Variants in GRM7 observed in about 807,000 individuals in gnomAD.
The protein encoded by GRM7 is metabotropic glutamate receptor 7.
GRM7 carries 35 observed loss-of-function variants against 84.5 expected under a neutral mutation model. That is an observed-to-expected ratio of 0.41 (90% confidence interval 0.32 to 0.55). The LOEUF (loss-of-function observed/expected upper bound fraction) is 0.55, where lower values mean the gene tolerates loss of function less well. GRM7 is among the 20% of genes least tolerant of loss of function. GRM7 has a pLI of 0.19. For synonymous variants in GRM7, 487 were observed against 455.1 expected (o/e 1.07, Z -0.89); for missense variants, 1,003 against 1,194.6 (o/e 0.84, Z 2.36).
chr3:6,972,570 A>C (rs2125095741), intron 1 of GRM7, among the ~76,000 whole-genome samples: 1 of 152,268 alleles, frequency 6.6e-6, no homozygotes, highest in East Asian at 1.9e-4. Flanking sequence ...GCCGAGATTT[A>C]GATACTAATG....
chr3:7,317,350 A>G (rs1700620417), intron 4 of GRM7, among the ~76,000 whole-genome samples: 1 of 152,098 alleles, frequency 6.6e-6, no homozygotes, highest in African/African-American at 2.4e-5. Flanking sequence ...AGAATAGGCC[A>G]TTGTAAGTGA....
chr3:7,150,507 A>C (rs1301068026), intron 2 of GRM7, among the ~76,000 whole-genome samples: 1 of 152,178 alleles, frequency 6.6e-6, no homozygotes, highest in Non-Finnish European at 1.5e-5. Context: ...CTCAATACTT[A>C]TTCTTTCAAG....
At chr3:7,662,568 G>T (rs1008673248) in intron 8 of GRM7, among the ~76,000 whole-genome samples, 2 of 152,198 alleles carry the variant, frequency 1.3e-5, no homozygotes, top group Non-Finnish European at 2.9e-5. Flanking sequence ...TTAGATGATA[G>T]AAATTACTGT....
intron 1 of GRM7, among the ~76,000 whole-genome samples, chr3:7,031,393 T>A (rs932458109): frequency 3.6e-4 from 55 of 150,700 alleles, no homozygotes; most frequent in African/African-American, 9.9e-4. Context: ...ATACTTTTTT[T>A]AAATTTTTTA....
intron 4 of GRM7, among the ~76,000 whole-genome samples, chr3:7,391,070 T>C (rs576558594): frequency 3.3e-4 from 50 of 152,006 alleles, no homozygotes; most frequent in African/African-American, 1.2e-3. Context: ...GGAGGTATGA[T>C]TGTGGTGTAT....
chr3:7,025,711 C>T (rs1472255623), intron 1 of GRM7, among the ~76,000 whole-genome samples: 1 of 152,166 alleles, frequency 6.6e-6, no homozygotes, highest in African/African-American at 2.4e-5. Flanking sequence ...GCTTTACCTA[C>T]ATCTTACTCT....
chr3:7,492,783 A>T (rs994896588), intron 7 of GRM7, among the ~76,000 whole-genome samples: 12 of 152,008 alleles, frequency 7.9e-5, no homozygotes, highest in African/African-American at 2.7e-4. Flanking sequence ...TCAGAGTATT[A>T]TTTTGACAAC....
chr3:7,249,009 A>C (rs1697878812), intron 2 of GRM7, among the ~76,000 whole-genome samples: 1 of 152,202 alleles, frequency 6.6e-6, no homozygotes, highest in Non-Finnish European at 1.5e-5. Context: ...CATAGATATG[A>C]ACATGGATAT....
intron 2 of GRM7, among the ~76,000 whole-genome samples, chr3:7,222,416 TG>T (rs1345076284): frequency 6.6e-6 from 1 of 152,064 alleles, no homozygotes; most frequent in African/African-American, 2.4e-5. Flanking sequence ...CAAGGAATGC[TG>T]GTTGCTCCAG....
intron 8 of GRM7, among the ~76,000 whole-genome samples, chr3:7,603,609 T>C (rs558818985): frequency 3.9e-5 from 6 of 152,252 alleles, no homozygotes; most frequent in East Asian, 1.9e-4. Context: ...TCAAATACAC[T>C]GTATGACTTA....
At chr3:7,255,866 C>G (rs542101777) in intron 2 of GRM7, among the ~76,000 whole-genome samples, 7 of 152,316 alleles carry the variant, frequency 4.6e-5, no homozygotes, top group African/African-American at 1.4e-4. Flanking sequence ...TCTATCTACT[C>G]TTGGATATCC....
chr3:7,212,368 A>G (rs1167303354), intron 2 of GRM7, among the ~76,000 whole-genome samples: 1 of 152,050 alleles, frequency 6.6e-6, no homozygotes, highest in Non-Finnish European at 1.5e-5. Context: ...TTCAATATCC[A>G]TTCATTCATC....
chr3:7,206,250 A>G (rs564031881), intron 2 of GRM7, among the ~76,000 whole-genome samples: 6 of 152,316 alleles, frequency 3.9e-5, no homozygotes, highest in African/African-American at 1.4e-4. Context: ...AAATCTGCTA[A>G]TTCTGCAACT....
intron 1 of GRM7, among the ~76,000 whole-genome samples, chr3:7,062,318 G>A (rs17046749): frequency 0.041 from 6,271 of 151,540 alleles, 276 homozygotes; most frequent in African/African-American, 0.11. Context: ...TGAAGGAGAC[G>A]GTGTACAATC....
chr3:7,417,139 G>T (rs1696197235), intron 5 of GRM7, among the ~76,000 whole-genome samples: 1 of 152,102 alleles, frequency 6.6e-6, no homozygotes, highest in Non-Finnish European at 1.5e-5. Context: ...TACAAAAATG[G>T]AAATAGAAGT....
At chr3:6,931,769 G>A (rs1013738865) in intron 1 of GRM7, among the ~76,000 whole-genome samples, 3 of 152,198 alleles carry the variant, frequency 2.0e-5, no homozygotes, top group Admixed American at 6.5e-5. Context: ...CTCAAGAACC[G>A]TGTCTCTCTT....
chr3:7,602,472 G>A (rs1696361107), intron 8 of GRM7, among the ~76,000 whole-genome samples: 1 of 152,090 alleles, frequency 6.6e-6, no homozygotes, highest in African/African-American at 2.4e-5. Flanking sequence ...GCTTCTCTCT[G>A]TAATTACTTA....
intron 2 of GRM7, among the ~76,000 whole-genome samples, chr3:7,289,114 T>C (rs968791573): frequency 6.6e-6 from 1 of 152,188 alleles, no homozygotes; most frequent in Non-Finnish European, 1.5e-5. Context: ...GGGACATTTT[T>C]ACAGAGAATC....
intron 9 of GRM7, among the ~76,000 whole-genome samples, chr3:7,726,467 C>G (rs1398781193): frequency 6.7e-6 from 1 of 150,100 alleles, no homozygotes; most frequent in Non-Finnish European, 1.5e-5. Flanking sequence ...ATTCAACTAC[C>G]CTAATAGAGC....
Sources: gnomAD v4.1 joint callset for allele counts (sites outside exome capture counted in the v4.1 genomes callset) on GRCh38, gnomAD v4.1.1 for gene constraint, MANE v1.5 for transcripts, NCBI Gene and HGNC (gene_info 2026-07-23, HGNC 2026-07-21) for gene names.